TENT5B: variants seen among roughly 807,000 people sequenced by gnomAD.
TENT5B encodes the protein terminal nucleotidyltransferase 5B, also known as family with sequence similarity 46 member B.
TENT5B carries 12 observed loss-of-function variants against 21.7 expected under a neutral mutation model. The ratio of observed to expected loss-of-function variants is 0.55; its 90% CI spans 0.36 to 0.90. The LOEUF is 0.90. Among genes scored for constraint, TENT5B ranks in the 40% least tolerant of loss-of-function variants. The probability of loss-of-function intolerance (pLI) is 0.01; values close to 1 mark genes in which losing one functional copy is unlikely to be tolerated. For missense variants in TENT5B, 540 were observed against 601.5 expected (o/e 0.90, Z 1.07); for synonymous variants, 262 against 266.6 (o/e 0.98, Z 0.17).
At chr1:27,007,851 T>A (rs1414345817) in intron 1 of TENT5B, among the ~76,000 whole-genome samples, 1 of 152,092 alleles carries the variant, frequency 6.6e-6, no homozygotes, top group Non-Finnish European at 1.5e-5. Context: ...TTTTGACTGA[T>A]AGATGGAGGA....
chr1:27,010,091 C>T (rs1378632705), intron 1 of TENT5B, among the ~76,000 whole-genome samples: 2 of 152,234 alleles, frequency 1.3e-5, no homozygotes, highest in African/African-American at 4.8e-5. Flanking sequence ...CTCACATGCT[C>T]TGCCGCCTGA....
At chr1:27,011,657 A>T (rs1328394508) in intron 1 of TENT5B, among the ~76,000 whole-genome samples, 3 of 152,138 alleles carry the variant, frequency 2.0e-5, no homozygotes, top group Non-Finnish European at 2.9e-5. Context: ...AGATAAAGGG[A>T]AGAGTTGGAG....
intron 1 of TENT5B, among the ~76,000 whole-genome samples, chr1:27,010,723 G>A (rs1347255270): frequency 6.6e-6 from 1 of 152,100 alleles, no homozygotes; most frequent in African/African-American, 2.4e-5. Context: ...CCTCACCATC[G>A]CCGACAGCTC....
intron 1 of TENT5B, among the ~76,000 whole-genome samples, chr1:27,007,729 A>G (rs997610487): frequency 6.6e-6 from 1 of 152,100 alleles, no homozygotes; most frequent in African/African-American, 2.4e-5. Flanking sequence ...CTGCTAGTAA[A>G]ACAGTTCTGT....
intron 1 of TENT5B, among the ~76,000 whole-genome samples, chr1:27,008,356 C>T (rs751992507): frequency 2.6e-5 from 4 of 152,106 alleles, no homozygotes; most frequent in Non-Finnish European, 5.9e-5. Context: ...AAGAATGCAC[C>T]TAAGTGCTGA....
Position 27,006,108 on chromosome 1 carries a change from G to A in TENT5B, c.1114C>T (p.Leu372=), listed in dbSNP as rs773213847. The A allele has an allele frequency of 1.2e-6, 2 of 1,609,360 alleles. No individual in the cohort carries two copies. The highest frequency in any genetic ancestry group is 2.2e-5 in the East Asian group (1 of 44,784). The change falls in exon 2 of 2, where the codon CTG becomes TTG. Residue 372 remains leucine, a synonymous_variant. Coordinates refer to ENST00000289166, the MANE Select transcript of TENT5B (RefSeq NM_052943.4). This position sits in a 1 kb window ranked among gnomAD's most constrained non-coding sequence, Gnocchi z 9.4. ...RRQTLDLIAA[L]ALQALAEQGP... is the part of the protein sequence containing the mutation. ...TGCTCAGCCAGTGCCTGCAGCGCCA[G>A]TGCGGCAATGAGGTCCAGCGTCTGG...
In TENT5B at chr1:27,012,710, G is replaced by T; in HGVS notation, c.-40C>A. 2.1e-6 allele frequency: 3 copies of T among 1,441,894 alleles called. No homozygotes were observed. Among genetic ancestry groups the T allele is most frequent in the Non-Finnish European group, 2.7e-6 (3 of 1,111,784 alleles). 89.3% of individuals were successfully genotyped at this position (1,441,894 alleles called of 1,614,324 possible). A position where few individuals can be genotyped will look rare whatever the true frequency, so the allele number is the denominator to read the frequency against. On this transcript the variant is annotated 5_prime_UTR_variant, in exon 1 of 2. Transcript: ENST00000289166. Reference sequence around the variant, plus strand: ...GGCCCCGACGGCAGAAACCGTGGGGGTGGTTAAGGGGAGGAGGACAGGGAG... The same window carrying T: ...GGCCCCGACGGCAGAAACCGTGGGGTTGGTTAAGGGGAGGAGGACAGGGAG...
rs780450181 is a variant in TENT5B, at chr1:27,006,937, C to G, written c.285G>C (p.Glu95Asp). The G allele has an allele frequency of 1.9e-6, 3 of 1,592,506 alleles. No individual in the cohort carries two copies. The highest frequency in any genetic ancestry group is 1.7e-4 in the Middle Eastern group (1 of 5,970). ...CACTGTGCACATGTAGTCCCTGCTC[C>G]TCCAGGGTGCTGCGGACCACCTGCA... The part of the protein sequence containing the change: ...QIVQVVRSTL[E>D]EQGLHVHSVR... Residue 95 changes from glutamate to aspartate, a missense_variant, in exon 2 of 2, where the codon GAG (glutamate) becomes GAC (aspartate). Glu to Asp is a conservative substitution (Grantham distance 45). Coordinates refer to ENST00000289166, the MANE Select transcript of TENT5B (RefSeq NM_052943.4). This position sits in a 1 kb window ranked among gnomAD's most constrained non-coding sequence, Gnocchi z 9.4.
chr1:27,008,974 C>CTTTTTTTTT (rs1557703526), intron 1 of TENT5B, among the ~76,000 whole-genome samples: 1 of 106,366 alleles, frequency 9.4e-6, no homozygotes, highest in African/African-American at 3.9e-5. Context: ...TTCCTCCATC[C>CTTTTTTTTT]TTCTTTTTTT....
intron 1 of TENT5B, among the ~76,000 whole-genome samples, chr1:27,010,737 G>C (rs1199170529): frequency 1.3e-5 from 2 of 152,200 alleles, no homozygotes; most frequent in Non-Finnish European, 2.9e-5. Flanking sequence ...ACAGCTCCCT[G>C]TTCTGTGCTA....
intron 1 of TENT5B, among the ~76,000 whole-genome samples, chr1:27,008,840 G>A (rs1321165981): frequency 6.6e-6 from 1 of 151,600 alleles, no homozygotes; most frequent in Non-Finnish European, 1.5e-5. Context: ...GACCTCAGGT[G>A]ATCCACCTGC....
rs61737590 is a variant in TENT5B at position 27,005,975 on chromosome 1, T to C, written c.1247A>G (p.His416Arg). The change falls in exon 2 of 2, where the codon CAC (histidine) becomes CGC (arginine). Residue 416 changes from histidine (H) to arginine (R), a missense_variant. His to Arg is a conservative substitution (Grantham distance 29). Coordinates refer to ENST00000289166, the MANE Select transcript of TENT5B (RefSeq NM_052943.4). ...ACAAGGCAGCCAGGTGGGATAGGCG[T>C]GAGCCAGGAGAGGTTGCACGGGGGT... Reference protein sequence around the residue: ...YVTPVQPLLAHAYPTWLPCN With the variant: ...YVTPVQPLLARAYPTWLPCN 94,505 of 1,580,542 alleles carry C rather than the reference T, an allele frequency of 0.06. 3,004 individuals carry two copies. The highest frequency in any genetic ancestry group is 0.063 in the Non-Finnish European group (73,096 of 1,159,826).
rs760931724 is a variant in TENT5B at position 27,005,963 on chromosome 1, G to A, written c.1259C>T (p.Thr420Ile). Residue 420 changes from threonine to isoleucine, a missense_variant, in exon 2 of 2, where the codon ACC becomes ATC. Thr to Ile is a moderately conservative substitution (Grantham distance 89, BLOSUM62 -1). Transcript: ENST00000289166. ...VQPLLAHAYP[T>I]WLPCN ...TCTGAGTCAGTTACAAGGCAGCCAG[G>A]TGGGATAGGCGTGAGCCAGGAGAGG... The A allele has an allele frequency of 3.8e-6, 6 of 1,567,860 alleles. No individual in the cohort carries two copies. The African/African-American group carries it at 4.1e-5, about 11-fold the overall frequency.
chr1:27,009,962 C>T (rs531809961), intron 1 of TENT5B, among the ~76,000 whole-genome samples: 6 of 152,316 alleles, frequency 3.9e-5, no homozygotes, highest in African/African-American at 1.4e-4. Flanking sequence ...ATGGAGGGGG[C>T]AGTGGCTGCA....
intron 1 of TENT5B, among the ~76,000 whole-genome samples, chr1:27,010,137 T>C (rs2082617338): frequency 6.6e-6 from 1 of 152,132 alleles, no homozygotes; most frequent in Non-Finnish European, 1.5e-5. Flanking sequence ...GAAATCAGAT[T>C]GTCTAGTTCA....
At position 27,006,364 on chromosome 1, in the gene TENT5B, C is replaced by A. The variant is rs530584122; in HGVS notation, c.858G>T (p.Leu286=). The change falls in exon 2 of 2, where the codon CTG becomes CTT. Residue 286 remains leucine, a synonymous_variant. Coordinates refer to ENST00000289166, the MANE Select transcript of TENT5B (RefSeq NM_052943.4). This position sits in a 1 kb window ranked among gnomAD's most constrained non-coding sequence, Gnocchi z 9.4. ...GGGLLKYCHL[L]VRGFRPRPST... ...TGGGCCGGGGCCGGAAGCCCCGCAC[C>A]AGGAGGTGGCAGTACTTGAGGAGGC... 6.2e-7 allele frequency: 1 copy of A among 1,611,676 alleles called. No individual in the cohort carries two copies. Among genetic ancestry groups the A allele is most frequent in the African/African-American group, 1.3e-5 (1 of 75,042 alleles).
Position 27,006,883 on chromosome 1 carries a change from G to A in TENT5B, c.339C>T (p.His113=), listed in dbSNP as rs759392890. ...CCAGGCCACTCTCAGGGTGCAGCAC[G>A]TGGCTGGCAGCTGAACCATGCAGCC... The part of the protein sequence containing the change: ...SVRLHGSAAS[H]VLHPESGLGY... Residue 113 remains histidine, a synonymous_variant, in exon 2 of 2, where the codon CAC becomes CAT. Coordinates refer to ENST00000289166, the MANE Select transcript of TENT5B (RefSeq NM_052943.4). The surrounding 1 kb of genome is among the most constrained non-coding windows in gnomAD (Gnocchi z 9.4). The A allele has an allele frequency of 3.1e-6, 5 of 1,613,790 alleles. No individual in the cohort carries two copies. Among genetic ancestry groups the A allele is most frequent in the Admixed American group, 1.7e-5 (1 of 60,012 alleles).
rs181601448 is a variant in TENT5B, at chr1:27,005,097, G to A, written c.*847C>T. 1 of 152,832 alleles carries A rather than the reference G, an allele frequency of 6.5e-6. No homozygotes were observed. Among genetic ancestry groups the A allele is most frequent in the East Asian group, 1.9e-4 (1 of 5,182 alleles). 9.5% of individuals were successfully genotyped at this position (152,832 alleles called of 1,614,324 possible). A position where few individuals can be genotyped will look rare whatever the true frequency, so the allele number is the denominator to read the frequency against. ...AACCCAGGGGAATACGCAAGGGGGTGGGAGTATGGCTCCCCTACCCCATGT... is the reference window on the plus strand; with the variant it reads ...AACCCAGGGGAATACGCAAGGGGGTAGGAGTATGGCTCCCCTACCCCATGT... On this transcript the variant is annotated 3_prime_UTR_variant, in exon 2 of 2. Coordinates refer to ENST00000289166, the MANE Select transcript of TENT5B (RefSeq NM_052943.4).
chr1:27,008,297 C>T (rs1380912756), intron 1 of TENT5B, among the ~76,000 whole-genome samples: 1 of 152,174 alleles, frequency 6.6e-6, no homozygotes, highest in Non-Finnish European at 1.5e-5. Flanking sequence ...CAAGTCAGCA[C>T]CCAGCTCCAG....
Sources: allele counts gnomAD v4.1 joint callset (sites outside exome capture counted in the v4.1 genomes callset), GRCh38; gene constraint gnomAD v4.1.1; non-coding constraint Gnocchi (gnomAD v3.1); transcripts MANE v1.5; gene names NCBI Gene and HGNC (gene_info 2026-07-23, HGNC 2026-07-21).